The following FRMD6 variants were observed in gnomAD, a reference collection of about 807,000 sequenced individuals.
FRMD6 encodes the protein FERM domain containing 6.
Under a neutral mutation model 73.2 loss-of-function variants are expected in FRMD6, and 37 were observed. That is an observed-to-expected ratio of 0.51 (90% CI 0.39 to 0.66). The LOEUF (loss-of-function observed/expected upper bound fraction) is 0.66, where lower values mean the gene tolerates loss of function less well. Ranked by LOEUF, FRMD6 falls within the 30% of genes least tolerant of loss-of-function variation. The pLI is 0.00. For missense variants in FRMD6, 714 were observed against 780.5 expected (o/e 0.91, Z 1.02); for synonymous variants, 273 against 282.2 (o/e 0.97, Z 0.33).
chr14:51,531,462 C>G (rs1312727052), intron 1 of FRMD6, among the ~76,000 whole-genome samples: 2 of 152,160 alleles, frequency 1.3e-5, no homozygotes, highest in African/African-American at 4.8e-5. Context: ...ATCACAGCCA[C>G]AAGGAGAAAT....
the FRMD6 span, among the ~76,000 whole-genome samples, chr14:51,413,949 A>T: frequency 6.6e-6 from 1 of 152,126 alleles, no homozygotes; most frequent in African/African-American, 2.4e-5. Context: ...TGGCTGCATA[A>T]ATGTCTTCTT....
chr14:51,587,441 G>A (rs547053647), intron 2 of FRMD6, among the ~76,000 whole-genome samples: 6 of 152,318 alleles, frequency 3.9e-5, no homozygotes, highest in South Asian at 2.1e-4. Context: ...TTGTATGGCC[G>A]CGGTGGCTGG....
At position 51,563,473 on chromosome 14, in the gene FRMD6, C is replaced by T. The variant is rs1263419479; in HGVS notation, c.-209-6875C>T. The stretch of plus-strand genomic sequence containing the variant: ...TCACTTGAAGTCAGGAGTTCGAGAC[C>T]ATCCTGGCCAACATGGCAAAACCCC... On this transcript the variant is annotated intron_variant, in intron 1 of 14. Coordinates refer to the FRMD6 transcript ENST00000356218. 5.9e-5 allele frequency among the ~76,000 whole-genome samples: 9 copies of T among 152,126 alleles called. No homozygotes were observed. In the East Asian group the frequency reaches 1.2e-3, roughly 20 times the overall value.
At chr14:51,549,583 T>C (rs907676339) in intron 1 of FRMD6, among the ~76,000 whole-genome samples, 3 of 121,710 alleles carry the variant, frequency 2.5e-5, no homozygotes, top group African/African-American at 6.4e-5. Flanking sequence ...AGTATAAACT[T>C]TTTTTTTCTT....
At chr14:51,704,495 AT>A (rs1896508455) in intron 5 of FRMD6, 2 of 417,064 alleles carry the variant, frequency 4.8e-6, no homozygotes, top group Non-Finnish European at 8.6e-6. Flanking sequence ...CTCTGAATGA[AT>A]CAAATGCTGT....
intron 2 of FRMD6, among the ~76,000 whole-genome samples, chr14:51,614,682 G>T (rs1890641702): frequency 6.6e-6 from 1 of 152,142 alleles, no homozygotes; most frequent in East Asian, 1.9e-4. Context: ...CCCTCTTAAA[G>T]AATACTTTTT....
chr14:51,592,501 C>G (rs897596377), intron 2 of FRMD6, among the ~76,000 whole-genome samples: 1 of 152,152 alleles, frequency 6.6e-6, no homozygotes, highest in Non-Finnish European at 1.5e-5. Context: ...CAAAAACTTG[C>G]CAGCAGTTGC....
intron 6 of FRMD6, among the ~76,000 whole-genome samples, chr14:51,707,093 C>T (rs1299970901): frequency 6.6e-6 from 1 of 152,022 alleles, no homozygotes; most frequent in African/African-American, 2.4e-5. Context: ...CTTACAAATA[C>T]TGTTTTCAGT....
upstream of FRMD6, among the ~76,000 whole-genome samples, chr14:51,647,620 T>C (rs1449891142): frequency 2.0e-5 from 3 of 152,222 alleles, no homozygotes; most frequent in Non-Finnish European, 4.4e-5. Context: ...GCTTTTAAAA[T>C]GAATCTCAGT....
At chr14:51,474,203 T>C in the FRMD6 span, among the ~76,000 whole-genome samples, 4 of 152,224 alleles carry the variant, frequency 2.6e-5, no homozygotes, top group African/African-American at 9.6e-5. Flanking sequence ...CAATTTCATT[T>C]CAAGTTAGGA....
chr14:51,719,648 T>C (rs1897421535), intron 10 of FRMD6, among the ~76,000 whole-genome samples: 1 of 152,228 alleles, frequency 6.6e-6, no homozygotes, highest in Non-Finnish European at 1.5e-5. Flanking sequence ...TTTAATATGC[T>C]ATGGATACTT....
chr14:51,413,430 A>G, the FRMD6 span, among the ~76,000 whole-genome samples: 9 of 152,124 alleles, frequency 5.9e-5, no homozygotes, highest in South Asian at 2.1e-4. Context: ...TGTCCTTGTG[A>G]TAGTTTGCTC....
chr14:51,558,943 C>T (rs1887315854), intron 1 of FRMD6, among the ~76,000 whole-genome samples: 3 of 152,164 alleles, frequency 2.0e-5, no homozygotes, highest in Admixed American at 2.0e-4. Context: ...GTTAGGAAAC[C>T]CTATAGCTTT....
At chr14:51,593,238 G>T (rs979130830) in intron 2 of FRMD6, among the ~76,000 whole-genome samples, 2 of 152,272 alleles carry the variant, frequency 1.3e-5, no homozygotes, top group East Asian at 3.9e-4. Flanking sequence ...CTGCCCCAGC[G>T]AACAGCTCCA....
chr14:51,399,311 T>C, the FRMD6 span, among the ~76,000 whole-genome samples: 2 of 152,186 alleles, frequency 1.3e-5, no homozygotes, highest in African/African-American at 2.4e-5. Context: ...TTGTAGTTAA[T>C]GGTTCACCCA....
chr14:51,615,526 C>G (rs988604943), intron 2 of FRMD6, among the ~76,000 whole-genome samples: 1 of 152,116 alleles, frequency 6.6e-6, no homozygotes, highest in Non-Finnish European at 1.5e-5. Context: ...AGCACAGGGG[C>G]CTGCAGGAAT....
At chr14:51,534,897 A>T (rs929156481) in intron 1 of FRMD6, among the ~76,000 whole-genome samples, 1 of 152,202 alleles carries the variant, frequency 6.6e-6, no homozygotes, top group Non-Finnish European at 1.5e-5. Context: ...GGTACTCTCC[A>T]GTGGAGAACG....
intron 1 of FRMD6, among the ~76,000 whole-genome samples, chr14:51,664,604 T>G (rs896049736): frequency 6.6e-6 from 1 of 152,332 alleles, no homozygotes; most frequent in African/African-American, 2.4e-5. Context: ...GTATTAGTCT[T>G]TAGAAAGTTG....
the FRMD6 span, chr14:51,437,009 T>A: frequency 5.8e-6 from 4 of 693,822 alleles, no homozygotes; most frequent in East Asian, 1.6e-4. Flanking sequence ...TTATTATACT[T>A]AAGTTCTGGG....
Sources: gnomAD v4.1 joint callset for allele counts (sites outside exome capture counted in the v4.1 genomes callset) on GRCh38, gnomAD v4.1.1 for gene constraint, MANE v1.5 for transcripts, NCBI Gene and HGNC (gene_info 2026-07-23, HGNC 2026-07-21) for gene names.